Variants in CTH observed in about 807,000 individuals in gnomAD.
The protein encoded by CTH is cystathionine gamma-lyase, also known as cystathionase (cystathionine gamma-lyase).
A neutral mutation model predicts 50.6 loss-of-function variants in CTH; 41 were observed. The observed-to-expected ratio is 0.81, with a 90% confidence interval of 0.63 to 1.05. The LOEUF (loss-of-function observed/expected upper bound fraction) is 1.05. Ranked by LOEUF, CTH falls within the 50% of genes least tolerant of loss-of-function variation. The probability of loss-of-function intolerance (pLI) is 0.00; values close to 1 mark genes in which losing one functional copy is unlikely to be tolerated. For missense variants in CTH, 470 were observed against 492.6 expected, an observed-to-expected ratio of 0.95 and a Z score of 0.43; for synonymous variants, 156 against 168.9, an observed-to-expected ratio of 0.92 and a Z score of 0.59.
chr1:70,423,728 G>A (rs1041818980), intron 4 of CTH, among the ~76,000 whole-genome samples: 3 of 152,096 alleles, frequency 2.0e-5, no homozygotes, highest in East Asian at 1.9e-4. Context: ...TTAAGTAGGC[G>A]GTAACCACGT....
In CTH at chr1:70,432,108, T is replaced by C. The variant is rs932322526; in HGVS notation, c.750T>C (p.Ile250=). Residue 250 remains isoleucine (I), a synonymous_variant, in exon 8 of 12, where the codon ATT becomes ATC. Transcript: ENST00000370938. ...CTCTTGGAGCAGTTCCATCTCCTAT[T>C]GATTGTTACCTCTGCAATCGAGGTC... The part of the protein sequence containing the change: ...QNSLGAVPSP[I]DCYLCNRGLK... 1 of 1,614,122 alleles carries C rather than the reference T, an allele frequency of 6.2e-7. No homozygotes were observed.
intron 3 of CTH, among the ~76,000 whole-genome samples, chr1:70,420,724 T>C (rs1388792769): frequency 6.6e-6 from 1 of 152,190 alleles, no homozygotes; most frequent in Non-Finnish European, 1.5e-5. Context: ...TAGTTTCTTA[T>C]ATTAGCTTGT....
At chr1:70,433,429 G>A (rs1347616368) in intron 8 of CTH, among the ~76,000 whole-genome samples, 1 of 152,178 alleles carries the variant, frequency 6.6e-6, no homozygotes, top group Non-Finnish European at 1.5e-5. Context: ...CGCCAGCTAT[G>A]AGCCAGGCTT....
At position 70,417,994 on chromosome 1, in the gene CTH, C is replaced by T; in HGVS notation, c.308C>T (p.Ala103Val). 1 of 1,614,154 alleles carries T rather than the reference C, an allele frequency of 6.2e-7. No individual in the cohort carries two copies. The highest frequency in any genetic ancestry group is 8.5e-7 in the Non-Finnish European group (1 of 1,180,020). ...GTAACTATTACCCATCTTTTAAAAGCAGGAGACCAAATTATTTGTATGGAT... is the reference window on the plus strand; with the variant it reads ...GTAACTATTACCCATCTTTTAAAAGTAGGAGACCAAATTATTTGTATGGAT... Reference protein sequence around the residue: ...ATVTITHLLKAGDQIICMDDV... With the variant: ...ATVTITHLLKVGDQIICMDDV... The change falls in exon 3 of 12, where the codon GCA becomes GTA. Residue 103 changes from alanine to valine, a missense_variant. Physicochemically the swap from Ala to Val is moderately conservative, Grantham distance 64 (BLOSUM62 0). Transcript: ENST00000370938.
rs1458199442 is a variant in CTH at position 70,438,691 on chromosome 1, AAT to A, written c.1057_1058del (p.Ile353HisfsTer8). ...ATTTGCTCATGTCTTCTTTCAGGGC[AAT>A]CATGACTCATGCATCAGTTCTTAAG... ...GFESLAELPA[I>X]MTHASVLKND... On this transcript the variant is annotated frameshift_variant, in exon 11 of 12. Transcript: ENST00000370938. LOFTEE classifies it high-confidence loss of function. 1.2e-6 allele frequency: 2 copies of A among 1,614,134 alleles called. No individual in the cohort carries two copies. The highest frequency in any genetic ancestry group is 1.7e-6 in the Non-Finnish European group (2 of 1,180,014).
At position 70,418,795 on chromosome 1, in the gene CTH, AG is replaced by A. The variant is rs370068951; in HGVS notation, c.346+764del. Among the ~76,000 whole-genome samples, 662 of 152,204 alleles carry A rather than the reference AG, an allele frequency of 4.3e-3. 8 individuals carry two copies. The highest frequency in any genetic ancestry group is 0.015 in the African/African-American group (613 of 41,528). Reference sequence around the variant, plus strand: ...CAGGGAAACTTTCAAAAATTTGTTGAGAGATATGGGCCTCTTTTCCCAAAAA... The same window carrying A: ...CAGGGAAACTTTCAAAAATTTGTTGAAGATATGGGCCTCTTTTCCCAAAAA... On this transcript the variant is annotated intron_variant, in intron 3 of 11. Coordinates refer to ENST00000370938, the MANE Select transcript of CTH (RefSeq NM_001902.6).
At chr1:70,429,954 G>A (rs1034801345) in intron 6 of CTH, 103 bp downstream of exon 6, 4 of 855,120 alleles carry the variant, frequency 4.7e-6, no homozygotes, top group Non-Finnish European at 7.8e-6. Context: ...ATTATTTCCT[G>A]TGACTCATAG....
At chr1:70,416,554 T>C (rs112638405) in intron 2 of CTH, among the ~76,000 whole-genome samples, 3,333 of 145,992 alleles carry the variant, frequency 0.023, 124 homozygotes, top group African/African-American at 0.078. Flanking sequence ...CACCACACCC[T>C]GCTAATTTTT....
chr1:70,436,140 GTC>G, intron 10 of CTH, among the ~76,000 whole-genome samples: 1 of 149,820 alleles, frequency 6.7e-6, no homozygotes, highest in South Asian at 2.1e-4. Flanking sequence ...GTGAAACCCT[GTC>G]TCTCCTAAAA....
intron 10 of CTH, 111 bp downstream of exon 10, chr1:70,435,288 A>G: frequency 2.0e-6 from 2 of 1,013,910 alleles, no homozygotes; most frequent in Non-Finnish European, 2.9e-6. Flanking sequence ...CAATAAGAAT[A>G]GCAGGACATT....
intron 8 of CTH, among the ~76,000 whole-genome samples, chr1:70,433,532 A>G (rs1333657030): frequency 1.3e-5 from 2 of 152,194 alleles, no homozygotes; most frequent in Non-Finnish European, 2.9e-5. Context: ...TAAGCAAGAA[A>G]TTACAGGATA....
intron 10 of CTH, among the ~76,000 whole-genome samples, chr1:70,437,042 C>A (rs1684613122): frequency 6.6e-6 from 1 of 152,122 alleles, no homozygotes; most frequent in South Asian, 2.1e-4. Context: ...TGCAGCATTG[C>A]AATATGGGAG....
In CTH at chr1:70,438,692, A is replaced by G. The variant is rs376152054; in HGVS notation, c.1057A>G (p.Ile353Val). 2.5e-6 allele frequency: 4 copies of G among 1,614,078 alleles called. No homozygotes were observed. In the South Asian group the frequency reaches 3.3e-5, roughly 13 times the overall value. ...GFESLAELPA[I>V]MTHASVLKND... ...TTTGCTCATGTCTTCTTTCAGGGCAATCATGACTCATGCATCAGTTCTTAA... is the reference window on the plus strand; with the variant it reads ...TTTGCTCATGTCTTCTTTCAGGGCAGTCATGACTCATGCATCAGTTCTTAA... Residue 353 changes from isoleucine to valine, a missense_variant, in exon 11 of 12, where the codon ATC (isoleucine) becomes GTC (valine). Physicochemically the swap from Ile to Val is conservative, Grantham distance 29 (BLOSUM62 3). Transcript: ENST00000370938.
chr1:70,424,940 G>A (rs1242120630), intron 5 of CTH, among the ~76,000 whole-genome samples: 1 of 151,582 alleles, frequency 6.6e-6, no homozygotes, highest in Admixed American at 6.6e-5. Flanking sequence ...AAAAAAAAAA[G>A]CTTACGAGTT....
Position 70,435,164 on chromosome 1 carries a change from C to A in CTH, c.1039C>A (p.Leu347Ile), listed in dbSNP as rs1378121866. Residue 347 changes from leucine (L) to isoleucine (I), a missense_variant, in exon 10 of 12, where the codon CTT becomes ATT. Leu to Ile is a conservative substitution (Grantham distance 5). Transcript: ENST00000370938. ...LAESLGGFESLAELPAIMTHA... is the reference protein window; with the variant it reads ...LAESLGGFESIAELPAIMTHA... The stretch of plus-strand genomic sequence containing the variant: ...CGAGAGCTTGGGAGGATTCGAAAGC[C>A]TTGCTGAGCTTCCGTAAGTATAGTT... The A allele has an allele frequency of 6.2e-7, 1 of 1,612,966 alleles. No homozygotes were observed. The highest frequency in any genetic ancestry group is 1.1e-5 in the South Asian group (1 of 90,986).
chr1:70,427,399 T>C (rs1166150696), intron 5 of CTH, among the ~76,000 whole-genome samples: 1 of 152,242 alleles, frequency 6.6e-6, no homozygotes, highest in Admixed American at 6.5e-5. Context: ...AGGTATTTTG[T>C]ACACTGCTTC....
At chr1:70,438,898 T>C (rs1414368181) in intron 11 of CTH, 72 bp downstream of exon 11, 2 of 1,605,440 alleles carry the variant, frequency 1.2e-6, no homozygotes, top group East Asian at 2.2e-5. Context: ...GGGGGGTCAC[T>C]ATATTTACAA....
intron 3 of CTH, among the ~76,000 whole-genome samples, chr1:70,419,334 T>C (rs1684163375): frequency 6.6e-6 from 1 of 152,192 alleles, no homozygotes; most frequent in Non-Finnish European, 1.5e-5. Flanking sequence ...TTTGGGTATA[T>C]ACCCAGTAAT....
At chr1:70,411,893 A>G (rs1207822094) in intron 1 of CTH, among the ~76,000 whole-genome samples, 1 of 152,254 alleles carries the variant, frequency 6.6e-6, no homozygotes, top group Non-Finnish European at 1.5e-5. Flanking sequence ...AGTTACCTTT[A>G]GCAGCATAAA....
Sources: gnomAD v4.1 joint callset for allele counts (sites outside exome capture counted in the v4.1 genomes callset) on GRCh38, gnomAD v4.1.1 for gene constraint, MANE v1.5 for transcripts, NCBI Gene and HGNC (gene_info 2026-07-23, HGNC 2026-07-21) for gene names.